GPC5: variants seen among roughly 807,000 people sequenced by gnomAD.
GPC5 encodes the protein glypican-5.
GPC5 carries 47 observed loss-of-function variants against 53.9 expected under a neutral mutation model. The ratio of observed to expected loss-of-function variants is 0.87; its 90% CI spans 0.69 to 1.11. The LOEUF (loss-of-function observed/expected upper bound fraction) is 1.11, where lower values mean the gene tolerates loss of function less well. GPC5 is among the 50% of genes most tolerant of loss of function. The pLI, the probability that GPC5 is intolerant of heterozygous loss-of-function variation, is 0.00. For synonymous variants in GPC5, 286 were observed against 263.3 expected, an observed-to-expected ratio of 1.09 and a Z score of -0.84; for missense variants, 748 against 713.1, an observed-to-expected ratio of 1.05 and a Z score of -0.56.
At chr13:92,412,061 A>G (rs1876068809) in intron 7 of GPC5, among the ~76,000 whole-genome samples, 2 of 152,176 alleles carry the variant, frequency 1.3e-5, no homozygotes, top group South Asian at 4.1e-4. Context: ...TTCTCTTCCT[A>G]CCATGATTCA....
intron 7 of GPC5, among the ~76,000 whole-genome samples, chr13:92,837,136 A>G (rs546077781): frequency 6.6e-6 from 1 of 152,324 alleles, no homozygotes; most frequent in African/African-American, 2.4e-5. Flanking sequence ...AAATAATCAG[A>G]CAGATAATAA....
At chr13:91,820,445 C>T (rs2038473590) in intron 5 of GPC5, among the ~76,000 whole-genome samples, 1 of 152,030 alleles carries the variant, frequency 6.6e-6, no homozygotes, top group Non-Finnish European at 1.5e-5. Context: ...AATTGATTTC[C>T]ACTCGGCCCT....
chr13:92,234,180 G>A (rs1318329373), intron 7 of GPC5, among the ~76,000 whole-genome samples: 1 of 152,126 alleles, frequency 6.6e-6, no homozygotes, highest in Admixed American at 6.6e-5. Context: ...ACCCAGTAAT[G>A]AGATTGCTGG....
chr13:91,736,626 C>T lies in GPC5; in HGVS notation c.1154+7961C>T, dbSNP rs536257933. 4.9e-4 allele frequency among the ~76,000 whole-genome samples: 74 copies of T among 151,322 alleles called. 3 individuals are homozygous for T. The highest frequency in any genetic ancestry group is 1.7e-3 in the African/African-American group (69 of 40,822). On this transcript the variant is annotated intron_variant, in intron 4 of 7. Transcript: ENST00000377067. ...TACTTAAAAAAATAGACAAGGAAAA[C>T]ATCCAAATTATTAACAAAACCACTG...
chr13:92,501,388 T>A (rs929903609), intron 7 of GPC5, among the ~76,000 whole-genome samples: 1 of 152,100 alleles, frequency 6.6e-6, no homozygotes, highest in African/African-American at 2.4e-5. Flanking sequence ...CAATAAGAAT[T>A]ATGCAAGATT....
chr13:92,407,952 T>G (rs1052914818), intron 7 of GPC5, among the ~76,000 whole-genome samples: 16 of 152,220 alleles, frequency 1.1e-4, no homozygotes, highest in Non-Finnish European at 1.9e-4. Flanking sequence ...CCAAATGTAA[T>G]GTTCACTTGG....
At chr13:92,812,112 T>C (rs1272542649) in intron 7 of GPC5, among the ~76,000 whole-genome samples, 1 of 151,916 alleles carries the variant, frequency 6.6e-6, no homozygotes, top group East Asian at 1.9e-4. Context: ...ATTTTCTATT[T>C]CTTCAAAAAT....
intron 6 of GPC5, among the ~76,000 whole-genome samples, chr13:91,974,288 G>T (rs994493217): frequency 6.6e-6 from 1 of 152,192 alleles, no homozygotes; most frequent in African/African-American, 2.4e-5. Flanking sequence ...GCAGGAGAAT[G>T]AAATAAAGGG....
intron 6 of GPC5, among the ~76,000 whole-genome samples, chr13:92,105,177 C>G (rs771767135): frequency 1.3e-5 from 2 of 151,772 alleles, no homozygotes; most frequent in Non-Finnish European, 2.9e-5. Context: ...GTCTTAGAGG[C>G]ACTGGTGAGG....
intron 7 of GPC5, among the ~76,000 whole-genome samples, chr13:92,197,634 A>AC (rs1331614991): frequency 6.6e-6 from 1 of 150,900 alleles, no homozygotes; most frequent in Non-Finnish European, 1.5e-5. Flanking sequence ...AGTAGCCTGA[A>AC]CTTTAGGGCA....
chr13:92,692,884 C>T (rs79503177), intron 7 of GPC5, among the ~76,000 whole-genome samples: 8,257 of 150,910 alleles, frequency 0.055, 273 homozygotes, highest in Non-Finnish European at 0.067. Context: ...TTTGGCTCTG[C>T]GTCCCCACCC....
chr13:92,099,161 A>G (rs112747301), intron 6 of GPC5, among the ~76,000 whole-genome samples: 20 of 152,154 alleles, frequency 1.3e-4, no homozygotes, highest in Middle Eastern at 3.4e-3. Flanking sequence ...GGTAAGTTTC[A>G]TTATTTTTAA....
At chr13:92,314,014 C>T (rs2043162379) in intron 7 of GPC5, among the ~76,000 whole-genome samples, 1 of 152,164 alleles carries the variant, frequency 6.6e-6, no homozygotes, top group Non-Finnish European at 1.5e-5. Context: ...TACTTCAAAA[C>T]ACTAATTGCA....
At chr13:92,229,857 G>C (rs1027856945) in intron 7 of GPC5, among the ~76,000 whole-genome samples, 1 of 152,004 alleles carries the variant, frequency 6.6e-6, no homozygotes, top group African/African-American at 2.4e-5. Context: ...GCAAGTTGGT[G>C]TAGGTGCCAC....
chr13:91,804,664 G>T (rs533263659), intron 5 of GPC5, among the ~76,000 whole-genome samples: 2 of 152,250 alleles, frequency 1.3e-5, no homozygotes, highest in Non-Finnish European at 2.9e-5. Flanking sequence ...ATTTTAATGG[G>T]TTTTGATGTG....
intron 6 of GPC5, among the ~76,000 whole-genome samples, chr13:91,908,519 A>G (rs906707162): frequency 1.3e-5 from 2 of 152,058 alleles, no homozygotes; most frequent in Non-Finnish European, 2.9e-5. Flanking sequence ...TTCCTATAAC[A>G]CCTTTTATAT....
chr13:91,915,786 T>A (rs1417182840), intron 6 of GPC5, among the ~76,000 whole-genome samples: 1 of 152,186 alleles, frequency 6.6e-6, no homozygotes, highest in Non-Finnish European at 1.5e-5. Flanking sequence ...TATTTCTTTT[T>A]AATAATTGAA....
At chr13:92,512,459 A>G (rs1880609136) in intron 7 of GPC5, among the ~76,000 whole-genome samples, 1 of 152,188 alleles carries the variant, frequency 6.6e-6, no homozygotes, top group Non-Finnish European at 1.5e-5. Context: ...TACATAAAAT[A>G]TATCTTACAA....
At chr13:91,493,781 T>C (rs57800251) in intron 2 of GPC5, among the ~76,000 whole-genome samples, 15,507 of 152,204 alleles carry the variant, frequency 0.1, 1,014 homozygotes, top group African/African-American at 0.19. Flanking sequence ...GACTTGTTCC[T>C]ATTTTACATA....
Sources: allele counts gnomAD v4.1 joint callset (sites outside exome capture counted in the v4.1 genomes callset), GRCh38; gene constraint gnomAD v4.1.1; transcripts MANE v1.5; gene names NCBI Gene and HGNC (gene_info 2026-07-23, HGNC 2026-07-21).